Variants in CD5L observed in about 807,000 individuals in gnomAD.
CD5L encodes the protein CD5 antigen-like.
In CD5L, 39 loss-of-function variants were observed where a neutral mutation model predicts 40.8. The ratio of observed to expected loss-of-function variants is 0.96; its 90% CI spans 0.74 to 1.25. CD5L has a LOEUF of 1.25. Among genes scored for constraint, CD5L ranks in the 50% most tolerant of loss-of-function variants. The pLI is 0.00. For synonymous variants in CD5L, 192 were observed against 169.6 expected (o/e 1.13, Z -1.03); for missense variants, 433 against 435.9 (o/e 0.99, Z 0.06).
Position 157,833,424 on chromosome 1 carries a change from A to G in CD5L, c.807T>C (p.Cys269=). Residue 269 remains cysteine, a synonymous_variant, in exon 5 of 6, where the codon TGT becomes TGC. Coordinates refer to ENST00000368174, the MANE Select transcript of CD5L (RefSeq NM_005894.3). ...CCTCCTTTTCTCCCCAGTTGTCATC[A>G]CAGACAGAGCCCCATACGCCCTTGT... The part of the protein sequence containing the change: ...VLHKGVWGSV[C]DDNWGEKEDQ... 1.2e-6 allele frequency: 2 copies of G among 1,614,074 alleles called. No homozygotes were observed. The highest frequency in any genetic ancestry group is 2.2e-5 in the East Asian group (1 of 44,868).
chr1:157,833,216 C>T lies in CD5L; in HGVS notation c.1015G>A (p.Glu339Lys), dbSNP rs200057023. The T allele has an allele frequency of 6.2e-7, 1 of 1,613,812 alleles. No homozygotes were observed. Among genetic ancestry groups the T allele is most frequent in the South Asian group, 1.1e-5 (1 of 91,050 alleles). Residue 339 changes from glutamate (E) to lysine (K), a missense_variant, in exon 5 of 6, where the codon GAA (glutamate) becomes AAA (lysine). By Grantham distance (56) the Glu-to-Lys change is moderately conservative. Transcript: ENST00000368174. Reference sequence around the variant, plus strand: ...CCTGAGCAGATGACAGCCACATCTTCCTGGTGGGTGCAGTCGTGAAACCCC... The same window carrying T: ...CCTGAGCAGATGACAGCCACATCTTTCTGGTGGGTGCAGTCGTGAAACCCC... ...FWGFHDCTHQ[E>K]DVAVICSG
downstream of CD5L, among the ~76,000 whole-genome samples, chr1:157,828,197 G>A (rs907455668): frequency 6.6e-6 from 1 of 152,104 alleles, no homozygotes; most frequent in African/African-American, 2.4e-5. Context: ...GGAGGACAGT[G>A]GGACCTCAGA....
chr1:157,841,785 T>C lies in CD5L; in HGVS notation c.-84A>G, dbSNP rs1344216832. ...AGCAATATTTAGTTTTAGCTGCAAG[T>C]ATGTTAAGAGGAGGGACAAAGACAG... is the stretch of plus-strand genomic sequence containing the variant. On this transcript the variant is annotated 5_prime_UTR_variant, in exon 1 of 6. It adds an upstream start codon to the 5' untranslated region. Transcript: ENST00000368174. 2.9e-5 allele frequency: 35 copies of C among 1,187,332 alleles called. No homozygotes were observed. The highest frequency in any genetic ancestry group is 4.2e-5 in the Non-Finnish European group (34 of 806,162). 73.5% of individuals were successfully genotyped at this position (1,187,332 alleles called of 1,614,324 possible). A position where few individuals can be genotyped will look rare whatever the true frequency, so the allele number is the denominator to read the frequency against.
chr1:157,830,823 T>A (rs1656026785), downstream of CD5L: 1 of 456,552 alleles, frequency 2.2e-6, no homozygotes, highest in Non-Finnish European at 2.9e-6. Context: ...GGTTCTCTTC[T>A]ACCTAACCCT....
At chr1:157,838,158 T>G (rs561237854) in intron 2 of CD5L, among the ~76,000 whole-genome samples, 155 of 152,260 alleles carry the variant, frequency 1.0e-3, no homozygotes, top group Admixed American at 3.3e-3. Flanking sequence ...TTTGCTTAAA[T>G]TTTTTTGGGA....
At chr1:157,834,336 A>G in intron 4 of CD5L, 71 bp downstream of exon 4, 1 of 1,293,064 alleles carries the variant, frequency 7.7e-7, no homozygotes, top group Non-Finnish European at 1.1e-6. Context: ...CTCTTTGTAA[A>G]TACTGTTTGA....
chr1:157,837,972 T>A (rs1219945161), intron 2 of CD5L, among the ~76,000 whole-genome samples: 1 of 151,820 alleles, frequency 6.6e-6, no homozygotes, highest in African/African-American at 2.4e-5. Context: ...GAGACGGGAT[T>A]TCACTGTGTT....
rs1656098531 is a variant in CD5L at position 157,833,283 on chromosome 1, T to A, written c.948A>T (p.Ser316=). 6.2e-7 allele frequency: 1 copy of A among 1,614,018 alleles called. No individual in the cohort carries two copies. The highest frequency in any genetic ancestry group is 8.5e-7 in the Non-Finnish European group (1 of 1,180,022). ...ACTGCTCCAGGGACTGCTCCTCCCCTGAGCAACGAACATTATCCAGCCAGA... is the reference window on the plus strand; with the variant it reads ...ACTGCTCCAGGGACTGCTCCTCCCCAGAGCAACGAACATTATCCAGCCAGA... The part of the protein sequence containing the change: ...GRIWLDNVRC[S]GEEQSLEQCQ... Residue 316 remains serine (S), a synonymous_variant, in exon 5 of 6, where the codon TCA becomes TCT. Transcript: ENST00000368174.
Position 157,831,568 on chromosome 1 carries a change from G to A in CD5L, c.*396C>T. On this transcript the variant is annotated 3_prime_UTR_variant, in exon 6 of 6. Coordinates refer to ENST00000368174, the MANE Select transcript of CD5L (RefSeq NM_005894.3). ...CATTCCTTTAATGTTTGCAGACATA[G>A]ATTAGTAATAGGACCTAGATTAGTA... 1 of 1,018,012 alleles carries A rather than the reference G, an allele frequency of 9.8e-7. No individual in the cohort carries two copies. Among genetic ancestry groups the A allele is most frequent in the Non-Finnish European group, 1.2e-6 (1 of 851,830 alleles). 63.1% of individuals were successfully genotyped at this position (1,018,012 alleles called of 1,614,324 possible).
At chr1:157,834,794 G>T in intron 3 of CD5L, 46 bp from the exon 4 acceptor site, 1 of 1,504,488 alleles carries the variant, frequency 6.6e-7, no homozygotes, top group Non-Finnish European at 9.2e-7. Context: ...CCAGAACATG[G>T]TCTTCTCAGT....
In CD5L at chr1:157,841,715, G is replaced by T. The variant is rs1656379031; in HGVS notation, c.-14C>A. ...TAGCAGAGCCATGACCAAGGCAGGTGAAGGTGATGAGCTGAAATTTAAGGC... is the reference window on the plus strand; with the variant it reads ...TAGCAGAGCCATGACCAAGGCAGGTTAAGGTGATGAGCTGAAATTTAAGGC... On this transcript the variant is annotated 5_prime_UTR_variant, in exon 1 of 6. Transcript: ENST00000368174. The T allele has an allele frequency of 6.2e-7, 1 of 1,612,388 alleles. No individual in the cohort carries two copies. The highest frequency in any genetic ancestry group is 1.3e-5 in the African/African-American group (1 of 74,916).
chr1:157,830,083 T>A (rs1414291515), downstream of CD5L, among the ~76,000 whole-genome samples: 3 of 152,202 alleles, frequency 2.0e-5, no homozygotes, highest in East Asian at 5.8e-4. Context: ...TGAGCTACAA[T>A]GGAACTGCGG....
chr1:157,834,358 C>T (rs1325423489), intron 4 of CD5L, 49 bp downstream of exon 4: 17 of 1,456,812 alleles, frequency 1.2e-5, no homozygotes, highest in Non-Finnish European at 1.5e-5. Context: ...TGAGATTCCA[C>T]ATAATTAAAT....
chr1:157,827,670 A>T (rs746823873), downstream of CD5L, among the ~76,000 whole-genome samples: 3 of 152,188 alleles, frequency 2.0e-5, no homozygotes, highest in Non-Finnish European at 4.4e-5. Flanking sequence ...TACAAATGCT[A>T]ACTCATCTGG....
At position 157,841,670 on chromosome 1, in the gene CD5L, T is replaced by TCAC; in HGVS notation, c.28+1_28+3dup. ...CCTAAACCAACAGGTGCAGAGATACTCACCAAGGATCAAGGAGAATAGCAG... is the reference window on the plus strand; with the variant it reads ...CCTAAACCAACAGGTGCAGAGATACTCACCACCAAGGATCAAGGAGAATAGCAG... On this transcript the variant is annotated splice_donor_region_variant and intron_variant, in intron 1 of 5. Transcript: ENST00000368174. 1 of 1,612,892 alleles carries TCAC rather than the reference T, an allele frequency of 6.2e-7. No homozygotes were observed. The highest frequency in any genetic ancestry group is 8.5e-7 in the Non-Finnish European group (1 of 1,179,452).
intron 2 of CD5L, among the ~76,000 whole-genome samples, chr1:157,838,244 A>G (rs1384499000): frequency 1.3e-5 from 2 of 152,252 alleles, no homozygotes; most frequent in Non-Finnish European, 2.9e-5. Flanking sequence ...ATAAACCGTA[A>G]AAAACTAAGA....
intron 5 of CD5L, 133 bp downstream of exon 5, chr1:157,833,058 AG>A (rs1434930230): frequency 2.7e-6 from 2 of 735,746 alleles, no homozygotes; most frequent in African/African-American, 3.5e-5. Flanking sequence ...CTGGAAGTAC[AG>A]AGCAGGTGAT....
chr1:157,839,285 C>T (rs1191916147), intron 2 of CD5L, 99 bp downstream of exon 2: 3 of 1,140,968 alleles, frequency 2.6e-6, no homozygotes, highest in Non-Finnish European at 4.0e-6. Flanking sequence ...GTCTGCTGGG[C>T]CTGTTTTGAA....
At chr1:157,839,333 T>C (rs1425259028) in intron 2 of CD5L, 51 bp downstream of exon 2, 4 of 1,583,398 alleles carry the variant, frequency 2.5e-6, no homozygotes, top group Non-Finnish European at 3.5e-6. Context: ...TTCAAAATTT[T>C]CCCTCTCCTA....
Sources: gnomAD v4.1 joint callset for allele counts (sites outside exome capture counted in the v4.1 genomes callset) on GRCh38, gnomAD v4.1.1 for gene constraint, MANE v1.5 for transcripts, NCBI Gene and HGNC (gene_info 2026-07-23, HGNC 2026-07-21) for gene names.